The following CARS1 variants were observed in gnomAD, a reference collection of about 807,000 sequenced individuals.
The protein encoded by CARS1 is cysteine--tRNA ligase, cytoplasmic.
In CARS1, 48 loss-of-function variants were observed where a neutral mutation model predicts 106.2. The ratio of observed to expected loss-of-function variants is 0.45; its 90% CI spans 0.36 to 0.57. The LOEUF (loss-of-function observed/expected upper bound fraction) is 0.57. Ranked by LOEUF, CARS1 falls within the 20% of genes least tolerant of loss-of-function variation. CARS1 has a pLI of 0.00. For synonymous variants in CARS1, 409 were observed against 403.4 expected, an observed-to-expected ratio of 1.01 and a Z score of -0.17; for missense variants, 968 against 1,057.2, an observed-to-expected ratio of 0.92 and a Z score of 1.17.
rs900018592 is a variant in CARS1, at chr11:3,044,398, C to T, written c.275-2142G>A. ...AAAAGGGAAGAACTGAGAGATATCA[C>T]ATAAGGACCCTTGCCCCCCTTTTTT... is the stretch of plus-strand genomic sequence containing the variant. On this transcript the variant is annotated intron_variant, in intron 2 of 22. Transcript: ENST00000380525. This position sits in a 1 kb window ranked among gnomAD's most constrained non-coding sequence, Gnocchi z 4.4. 2.0e-5 allele frequency among the ~76,000 whole-genome samples: 3 copies of T among 151,716 alleles called. No homozygotes were observed. The East Asian group carries it at 5.8e-4, about 29-fold the overall frequency.
intron 1 of CARS1, among the ~76,000 whole-genome samples, chr11:3,056,722 G>A (rs563148796): frequency 6.6e-6 from 1 of 152,304 alleles, no homozygotes; most frequent in East Asian, 1.9e-4. Flanking sequence ...CCAGGTCTGG[G>A]CAGAAAACCA....
rs372464462 is a variant in CARS1 at position 3,041,045 on chromosome 11, C to T, written c.367-61G>A. On this transcript the variant is annotated intron_variant, in intron 3 of 22. Coordinates refer to ENST00000380525, the MANE Select transcript of CARS1 (RefSeq NM_001014437.3). The surrounding 1 kb of genome is among the most constrained non-coding windows in gnomAD (Gnocchi z 4.9). The stretch of plus-strand genomic sequence containing the variant: ...ATGCAAGAAACACTGCACAGGATTA[C>T]CAAAAACAGCAACAAACATCACAGT... The T allele has an allele frequency of 6.2e-6, 10 of 1,611,894 alleles. No individual in the cohort carries two copies. In the African/African-American group the frequency reaches 1.3e-4, roughly 22 times the overall value.
intron 17 of CARS1, 131 bp from the exon 18 acceptor site, chr11:3,012,407 T>C: frequency 2.7e-6 from 2 of 743,344 alleles, no homozygotes; most frequent in Non-Finnish European, 4.6e-6. Context: ...ACTACAGCTG[T>C]GACCGGCATC....
At chr11:3,018,974 G>A (rs1225937108) in intron 12 of CARS1, among the ~76,000 whole-genome samples, 165 bp downstream of exon 12, 8 of 152,196 alleles carry the variant, frequency 5.3e-5, no homozygotes, top group South Asian at 2.1e-4. Context: ...CTGTCAATGC[G>A]GAAACCACAC....
At position 3,050,622 on chromosome 11, in the gene CARS1, C is replaced by T. The variant is rs1009505933; in HGVS notation, c.26-2621G>A. ...ACATTACTGCCCCCAACACCCACCT[C>T]GCCAGCAGCACAAGCCTGTCCTCAT... On this transcript the variant is annotated intron_variant, in intron 1 of 22. Transcript: ENST00000380525. The surrounding 1 kb of genome is among the most constrained non-coding windows in gnomAD (Gnocchi z 6.3). Among the ~76,000 whole-genome samples, 20 of 152,340 alleles carry T rather than the reference C, an allele frequency of 1.3e-4. No homozygotes were observed. Among genetic ancestry groups the T allele is most frequent in the Non-Finnish European group, 1.9e-4 (13 of 68,034 alleles).
At chr11:3,002,985 C>T (rs1849534752) in intron 20 of CARS1, among the ~76,000 whole-genome samples, 1 of 152,162 alleles carries the variant, frequency 6.6e-6, no homozygotes, top group African/African-American at 2.4e-5. Flanking sequence ...TGAGGGTTAT[C>T]CTGAGTGGGT....
intron 19 of CARS1, among the ~76,000 whole-genome samples, chr11:3,005,879 T>C (rs1285871194): frequency 1.3e-5 from 2 of 152,058 alleles, no homozygotes; most frequent in Non-Finnish European, 2.9e-5. Flanking sequence ...CCCAAAGTGC[T>C]AGGATACAGG....
chr11:3,041,052 C>T lies in CARS1; in HGVS notation c.367-68G>A. 1 of 1,611,556 alleles carries T rather than the reference C, an allele frequency of 6.2e-7. No individual in the cohort carries two copies. The highest frequency in any genetic ancestry group is 8.5e-7 in the Non-Finnish European group (1 of 1,178,508). On this transcript the variant is annotated intron_variant, in intron 3 of 22. Coordinates refer to ENST00000380525, the MANE Select transcript of CARS1 (RefSeq NM_001014437.3). The surrounding 1 kb of genome is among the most constrained non-coding windows in gnomAD (Gnocchi z 4.9). ...AAACACTGCACAGGATTACCAAAAA[C>T]AGCAACAAACATCACAGTGTGGTTT...
Position 3,008,480 on chromosome 11 carries a change from G to A in CARS1, c.2069-1521C>T, listed in dbSNP as rs944519274. 6.6e-6 allele frequency: 1 copy of A among 152,138 alleles called. No homozygotes were observed. Among genetic ancestry groups the A allele is most frequent in the African/African-American group, 2.4e-5 (1 of 41,394 alleles). 9.4% of individuals were successfully genotyped at this position (152,138 alleles called of 1,614,324 possible). ...CTAAAAATACAAAAACTATCTGGGT[G>A]TGGTGGCATGTGCCTGTAATCCCAG... is the stretch of plus-strand genomic sequence containing the variant. On this transcript the variant is annotated intron_variant, in intron 18 of 22. Coordinates refer to ENST00000380525, the MANE Select transcript of CARS1 (RefSeq NM_001014437.3). The surrounding 1 kb of genome is among the most constrained non-coding windows in gnomAD (Gnocchi z 5.1).
chr11:3,017,061 T>C lies in CARS1; in HGVS notation c.1917+45A>G, dbSNP rs1209199749. On this transcript the variant is annotated intron_variant, in intron 16 of 22. Coordinates refer to ENST00000380525, the MANE Select transcript of CARS1 (RefSeq NM_001014437.3). This position sits in a 1 kb window ranked among gnomAD's most constrained non-coding sequence, Gnocchi z 4.9. ...TCCCAGTCCTGGGGCCTGGCTCCTG[T>C]GTCCACACAGGCTGAGGGATACGCC... is the stretch of plus-strand genomic sequence containing the variant. 2 of 1,552,204 alleles carry C rather than the reference T, an allele frequency of 1.3e-6. No individual in the cohort carries two copies. The highest frequency in any genetic ancestry group is 1.8e-4 in the Middle Eastern group (1 of 5,658).
chr11:3,001,276 G>A lies in CARS1; in HGVS notation c.2362-28C>T, dbSNP rs750441637. 8.7e-6 allele frequency: 14 copies of A among 1,610,670 alleles called. No homozygotes were observed. In the South Asian group the frequency reaches 1.4e-4, roughly 16 times the overall value. ...GAAAACCCAGAGCACAGCGGCTATT[G>A]GTCTCCTCTGCACCTGGGTAACCCC... On this transcript the variant is annotated intron_variant, in intron 22 of 22. Coordinates refer to ENST00000380525, the MANE Select transcript of CARS1 (RefSeq NM_001014437.3).
At position 3,026,536 on chromosome 11, in the gene CARS1, A is replaced by T. The variant is rs558283521; in HGVS notation, c.1153+140T>A. ...CAATGTTGAGTGCAGAAAACTCCTA[A>T]AATTCCTTCAGGTGAAAAAGCACTG... is the stretch of plus-strand genomic sequence containing the variant. On this transcript the variant is annotated intron_variant, in intron 10 of 22. Transcript: ENST00000380525. The T allele has an allele frequency of 5.7e-5, 47 of 830,938 alleles. No individual in the cohort carries two copies. The South Asian group carries it at 8.7e-4, about 15-fold the overall frequency. 51.5% of individuals were successfully genotyped at this position (830,938 alleles called of 1,614,324 possible).
chr11:3,046,374 A>G lies in CARS1; in HGVS notation c.274+1379T>C, dbSNP rs1254105057. 6.6e-6 allele frequency among the ~76,000 whole-genome samples: 1 copy of G among 152,132 alleles called. No individual in the cohort carries two copies. The highest frequency in any genetic ancestry group is 1.5e-5 in the Non-Finnish European group (1 of 68,026). On this transcript the variant is annotated intron_variant, in intron 2 of 22. Transcript: ENST00000380525. This position sits in a 1 kb window ranked among gnomAD's most constrained non-coding sequence, Gnocchi z 5.8. ...CTTGGAATGGCACATGGCAGGGGGA[A>G]CAACCTGACACCCGAGCCCTTGGAG...
rs765796413 is a variant in CARS1 at position 3,029,459 on chromosome 11, C to CA, written c.802-17dup. The CA allele has an allele frequency of 5.6e-6, 9 of 1,612,240 alleles. No individual in the cohort carries two copies. Among genetic ancestry groups the CA allele is most frequent in the African/African-American group, 1.3e-5 (1 of 74,916 alleles). On this transcript the variant is annotated splice_polypyrimidine_tract_variant and intron_variant, in intron 7 of 22. Coordinates refer to ENST00000380525, the MANE Select transcript of CARS1 (RefSeq NM_001014437.3). This position sits in a 1 kb window ranked among gnomAD's most constrained non-coding sequence, Gnocchi z 5.9. ...CCAGCAACACCTGAAGAGAAAGAAACAAAAATCCAGCAGCGGGCCACACAC... is the reference window on the plus strand; with the variant it reads ...CCAGCAACACCTGAAGAGAAAGAAACAAAAAATCCAGCAGCGGGCCACACAC...
At chr11:3,026,150 C>T (rs1435333038) in intron 10 of CARS1, among the ~76,000 whole-genome samples, 1 of 152,140 alleles carries the variant, frequency 6.6e-6, no homozygotes, top group Admixed American at 6.5e-5. Flanking sequence ...CGGTGGACCT[C>T]AAGGAGGTGC....
chr11:3,018,110 G>A, intron 14 of CARS1, 156 bp from the exon 15 acceptor site: 1 of 628,274 alleles, frequency 1.6e-6, no homozygotes, highest in South Asian at 2.0e-5. Context: ...ATATTTCTTT[G>A]ACAGAAACAT....
chr11:3,011,486 C>A (rs993808107), intron 18 of CARS1, among the ~76,000 whole-genome samples: 1 of 151,604 alleles, frequency 6.6e-6, no homozygotes, highest in African/African-American at 2.4e-5. Context: ...CGGTGGCAGG[C>A]GCCTGTAGTC....
At position 3,020,302 on chromosome 11, in the gene CARS1, C is replaced by G; in HGVS notation, c.1184G>C (p.Ser395Thr). Residue 395 changes from serine to threonine, a missense_variant, in exon 11 of 23, where the codon AGT becomes ACT. Physicochemically the swap from Ser to Thr is moderately conservative, Grantham distance 58. Transcript: ENST00000380525. This position sits in a 1 kb window ranked among gnomAD's most constrained non-coding sequence, Gnocchi z 4.6. ...AAAGTCGTTGGGAGAGCGCTTCTCA[C>G]TCAGGCGGTCTGCAGAGATGCTCAG... ...GDLSISADRL[S>T]EKRSPNDFAL... 6.2e-7 allele frequency: 1 copy of G among 1,613,914 alleles called. No individual in the cohort carries two copies. Among genetic ancestry groups the G allele is most frequent in the Non-Finnish European group, 8.5e-7 (1 of 1,179,774 alleles).
chr11:3,029,366 G>A lies in CARS1; in HGVS notation c.879C>T (p.Ser293=), dbSNP rs548665063. 5.0e-6 allele frequency: 8 copies of A among 1,613,990 alleles called. No homozygotes were observed. In the East Asian group the frequency reaches 6.7e-5, roughly 13 times the overall value. The change falls in exon 8 of 23, where the codon TCC becomes TCT. Residue 293 remains serine (S), a synonymous_variant. Transcript: ENST00000380525. The surrounding 1 kb of genome is among the most constrained non-coding windows in gnomAD (Gnocchi z 5.9). ...AGAACTTGGGCAGCTTGGAGAAGAT[G>A]GAATTGTCAGTGACATCACAGCCAA... is the stretch of plus-strand genomic sequence containing the variant. ...STLGCDVTDN[S]IFSKLPKFWE... is the part of the protein sequence containing the mutation.
Sources: gnomAD v4.1 joint callset for allele counts (sites outside exome capture counted in the v4.1 genomes callset) on GRCh38, gnomAD v4.1.1 for gene constraint, Gnocchi (gnomAD v3.1) non-coding constraint, MANE v1.5 for transcripts, NCBI Gene and HGNC (gene_info 2026-07-23, HGNC 2026-07-21) for gene names.